Variants in SHANK2 observed in about 807,000 individuals in gnomAD.
The protein encoded by SHANK2 is SH3 and multiple ankyrin repeat domains protein 2.
In SHANK2, 43 loss-of-function variants were observed where a neutral mutation model predicts 133.7. That is an observed-to-expected ratio of 0.32 (90% CI 0.25 to 0.41). The LOEUF is 0.41. SHANK2 is among the 10% of genes least tolerant of loss of function. The pLI is 1.00. For synonymous variants in SHANK2, 1,017 were observed against 952.8 expected (o/e 1.07, Z -1.24); for missense variants, 1,994 against 2,235.8 (o/e 0.89, Z 2.18).
chr11:70,853,590 G>A (rs1949124928), intron 11 of SHANK2, among the ~76,000 whole-genome samples: 1 of 152,204 alleles, frequency 6.6e-6, no homozygotes, highest in Admixed American at 6.5e-5. Flanking sequence ...TGTGATGTGT[G>A]TAGGATGCTT....
intron 23 of SHANK2, 77 bp from the exon 24 acceptor site, chr11:70,489,425 A>AG: frequency 6.9e-7 from 1 of 1,456,982 alleles, no homozygotes; most frequent in Non-Finnish European, 9.6e-7. Context: ...TTGCTGGTGC[A>AG]GGGGGAGCTT....
At chr11:70,879,849 C>A (rs1211485507) in intron 11 of SHANK2, among the ~76,000 whole-genome samples, 4 of 152,174 alleles carry the variant, frequency 2.6e-5, no homozygotes, top group Non-Finnish European at 5.9e-5. Context: ...GAGCCAGGGA[C>A]TCCCCAGGGA....
At chr11:70,727,727 G>A (rs1555031023) in intron 14 of SHANK2, among the ~76,000 whole-genome samples, 1 of 152,222 alleles carries the variant, frequency 6.6e-6, no homozygotes, top group Non-Finnish European at 1.5e-5. Context: ...TAAGACTCAG[G>A]ATAGAGGACC....
intron 14 of SHANK2, among the ~76,000 whole-genome samples, chr11:70,783,865 C>A (rs560818732): frequency 6.6e-6 from 1 of 152,156 alleles, no homozygotes; most frequent in African/African-American, 2.4e-5. Context: ...TCGGAAGGCC[C>A]GGAAGAGGAA....
chr11:71,199,897 G>A (rs1242891538), intron 2 of SHANK2, among the ~76,000 whole-genome samples: 1 of 152,194 alleles, frequency 6.6e-6, no homozygotes, highest in African/African-American at 2.4e-5. Context: ...CTCTGGCAAA[G>A]AGAATGAAGC....
intron 2 of SHANK2, among the ~76,000 whole-genome samples, chr11:71,219,140 A>G (rs1369335578): frequency 6.6e-6 from 1 of 152,232 alleles, no homozygotes; most frequent in Admixed American, 6.5e-5. Context: ...CACATCAGAG[A>G]AAAGTGGCAT....
At chr11:70,683,790 T>A (rs1210756310) in intron 15 of SHANK2, among the ~76,000 whole-genome samples, 1 of 121,086 alleles carries the variant, frequency 8.3e-6, no homozygotes, top group Non-Finnish European at 1.5e-5. Flanking sequence ...CTCCTTTTTG[T>A]TTTTTTTTTT....
chr11:70,917,603 C>T (rs1950287368), intron 10 of SHANK2, among the ~76,000 whole-genome samples: 2 of 152,134 alleles, frequency 1.3e-5, no homozygotes, highest in African/African-American at 4.8e-5. Flanking sequence ...TGGAGTCATC[C>T]TAAATGCCCA....
chr11:71,167,931 C>A (rs1400137088), intron 2 of SHANK2, among the ~76,000 whole-genome samples: 1 of 146,980 alleles, frequency 6.8e-6, no homozygotes, highest in African/African-American at 2.6e-5. Flanking sequence ...GGCTGACCCC[C>A]CTACCTCCCT....
chr11:70,484,099 C>G (rs1486440909), intron 25 of SHANK2, among the ~76,000 whole-genome samples: 1 of 152,184 alleles, frequency 6.6e-6, no homozygotes, highest in East Asian at 1.9e-4. Flanking sequence ...GATGCTGCCA[C>G]CTGGGGAACA....
intron 6 of SHANK2, among the ~76,000 whole-genome samples, chr11:71,102,947 A>G (rs938282350): frequency 1.3e-5 from 2 of 152,222 alleles, no homozygotes; most frequent in African/African-American, 2.4e-5. Flanking sequence ...GTGCTGGCAG[A>G]TTTGGCGTGT....
intron 11 of SHANK2, among the ~76,000 whole-genome samples, chr11:70,883,862 C>T (rs551930618): frequency 2.6e-5 from 4 of 152,184 alleles, no homozygotes; most frequent in Admixed American, 1.3e-4. Context: ...ACGGAGGGAA[C>T]ACCTTACAAG....
chr11:71,192,953 A>G (rs1953821432), intron 2 of SHANK2, among the ~76,000 whole-genome samples: 1 of 152,222 alleles, frequency 6.6e-6, no homozygotes, highest in Non-Finnish European at 1.5e-5. Flanking sequence ...TGTCAAAGGC[A>G]AACATCCAAT....
At chr11:71,183,910 C>T (rs117098265) in intron 2 of SHANK2, among the ~76,000 whole-genome samples, 3 of 152,236 alleles carry the variant, frequency 2.0e-5, no homozygotes, top group East Asian at 1.9e-4. Context: ...GGTTGGACCA[C>T]GTCAACAAAC....
rs978852532 is a variant in SHANK2 at position 71,188,408 on chromosome 11, A to T, written c.-13+36289T>A. On this transcript the variant is annotated intron_variant, in intron 2 of 25. Transcript: ENST00000601538. This position sits in a 1 kb window ranked among gnomAD's most constrained non-coding sequence, Gnocchi z 4.6. The stretch of plus-strand genomic sequence containing the variant: ...TCCCTCAGCAAGTTGTGCGTTCCCA[A>T]CCAGGACCTGCTGAGGTCTCTCCAG... Among the ~76,000 whole-genome samples, 11 of 152,062 alleles carry T rather than the reference A, an allele frequency of 7.2e-5. No homozygotes were observed. Among genetic ancestry groups the T allele is most frequent in the African/African-American group, 2.7e-4 (11 of 41,398 alleles).
intron 17 of SHANK2, among the ~76,000 whole-genome samples, chr11:70,522,979 A>G (rs1307836001): frequency 7.2e-5 from 11 of 152,090 alleles, no homozygotes; most frequent in African/African-American, 2.7e-4. Flanking sequence ...TCCAATCCAC[A>G]CCCTCTTTGA....
intron 4 of SHANK2, among the ~76,000 whole-genome samples, chr11:71,115,903 T>C (rs1451405455): frequency 1.3e-5 from 2 of 152,178 alleles, no homozygotes; most frequent in Admixed American, 1.3e-4. Context: ...GCCAGAAAAG[T>C]GTGTGGTCCT....
At chr11:70,897,479 A>G (rs782537367) in intron 10 of SHANK2, among the ~76,000 whole-genome samples, 5 of 152,280 alleles carry the variant, frequency 3.3e-5, no homozygotes, top group Non-Finnish European at 5.9e-5. Flanking sequence ...GGACTAAGGC[A>G]TCAACTCCTG....
At chr11:70,907,039 G>C (rs1950114649) in intron 10 of SHANK2, among the ~76,000 whole-genome samples, 1 of 152,236 alleles carries the variant, frequency 6.6e-6, no homozygotes, top group Admixed American at 6.5e-5. Flanking sequence ...GGGCTGACCA[G>C]ATAGAGCCAG....
Sources: gnomAD v4.1 joint callset for allele counts (sites outside exome capture counted in the v4.1 genomes callset) on GRCh38, gnomAD v4.1.1 for gene constraint, Gnocchi (gnomAD v3.1) non-coding constraint, MANE v1.5 for transcripts, NCBI Gene and HGNC (gene_info 2026-07-23, HGNC 2026-07-21) for gene names.